NEGR1: variants seen among roughly 807,000 people sequenced by gnomAD.
NEGR1 encodes the protein IgLON family member 4.
A neutral mutation model predicts 40.9 loss-of-function variants in NEGR1; 10 were observed. The observed-to-expected ratio is 0.24, with a 90% CI of 0.15 to 0.42. The LOEUF (loss-of-function observed/expected upper bound fraction) is 0.42. Among genes scored for constraint, NEGR1 ranks in the 10% least tolerant of loss-of-function variants. The pLI is 1.00. For missense variants in NEGR1, 352 were observed against 438.9 expected (o/e 0.80, Z 1.77); for synonymous variants, 185 against 166.8 (o/e 1.11, Z -0.84).
intron 6 of NEGR1, among the ~76,000 whole-genome samples, chr1:71,429,574 C>A (rs1021678496): frequency 7.2e-5 from 11 of 152,112 alleles, no homozygotes; most frequent in African/African-American, 2.7e-4. Context: ...ACAGTGCATT[C>A]CATTTTGTTC....
At chr1:71,779,708 C>T (rs1656633099) in intron 2 of NEGR1, among the ~76,000 whole-genome samples, 1 of 151,980 alleles carries the variant, frequency 6.6e-6, no homozygotes, top group Admixed American at 6.6e-5. Context: ...GCTGGGATTA[C>T]AGGCGCCTGC....
intron 2 of NEGR1, among the ~76,000 whole-genome samples, chr1:71,788,942 T>C (rs577924541): frequency 1.3e-5 from 2 of 152,080 alleles, no homozygotes; most frequent in Non-Finnish European, 2.9e-5. Context: ...AACATTAAAA[T>C]AGATTAAAAA....
At chr1:72,147,017 G>A (rs1374337863) in intron 1 of NEGR1, among the ~76,000 whole-genome samples, 1 of 152,132 alleles carries the variant, frequency 6.6e-6, no homozygotes, top group Non-Finnish European at 1.5e-5. Flanking sequence ...AATTTTGGTT[G>A]TGTCTGACTT....
chr1:71,679,077 T>C (rs1196507252), intron 4 of NEGR1, among the ~76,000 whole-genome samples: 2 of 152,058 alleles, frequency 1.3e-5, no homozygotes, highest in Non-Finnish European at 2.9e-5. Flanking sequence ...TGGCTTGGAG[T>C]TGCAGCTTTA....
intron 3 of NEGR1, among the ~76,000 whole-genome samples, chr1:71,762,191 A>G (rs1308993452): frequency 6.6e-6 from 1 of 152,000 alleles, no homozygotes; most frequent in Non-Finnish European, 1.5e-5. Flanking sequence ...AACTCTGGCA[A>G]TAAGATAGAG....
intron 1 of NEGR1, among the ~76,000 whole-genome samples, chr1:72,110,431 AAAGT>A (rs892733832): frequency 4.6e-5 from 7 of 151,514 alleles, no homozygotes; most frequent in Admixed American, 1.3e-4. Context: ...AACTGATAGA[AAAGT>A]AAGAAAGAGT....
chr1:71,713,943 T>A (rs1478310606), intron 3 of NEGR1, among the ~76,000 whole-genome samples: 1 of 152,122 alleles, frequency 6.6e-6, no homozygotes, highest in East Asian at 1.9e-4. Flanking sequence ...TGGGGCAAAA[T>A]TTTTAACCTC....
intron 2 of NEGR1, among the ~76,000 whole-genome samples, chr1:71,810,274 T>C (rs1324017108): frequency 6.6e-6 from 1 of 152,092 alleles, no homozygotes; most frequent in Non-Finnish European, 1.5e-5. Flanking sequence ...AAAAAGTGTC[T>C]AATTATACAG....
intron 1 of NEGR1, among the ~76,000 whole-genome samples, chr1:72,159,840 C>A (rs1186294617): frequency 1.3e-5 from 2 of 152,016 alleles, no homozygotes; most frequent in Non-Finnish European, 2.9e-5. Flanking sequence ...CATTTTGTAT[C>A]TTTTAGTTAA....
intron 1 of NEGR1, chr1:72,274,521 G>T: frequency 1.5e-6 from 1 of 676,528 alleles, no homozygotes. Flanking sequence ...TGTCTGTATC[G>T]GTATCCCAAT....
At chr1:71,416,203 C>A (rs1407623696) in intron 6 of NEGR1, among the ~76,000 whole-genome samples, 1 of 152,056 alleles carries the variant, frequency 6.6e-6, no homozygotes, top group Non-Finnish European at 1.5e-5. Flanking sequence ...AAGTTGAATG[C>A]GTTTTTATGA....
At chr1:71,500,294 G>A (rs767835936) in intron 6 of NEGR1, among the ~76,000 whole-genome samples, 5 of 151,564 alleles carry the variant, frequency 3.3e-5, no homozygotes, top group Non-Finnish European at 7.4e-5. Flanking sequence ...AGCTATGTAC[G>A]GCCAAATTAA....
rs1231294866 is a variant in NEGR1, at chr1:71,470,392, G to A, written c.941-62822C>T. ...ATGTTTTATGTGAATGACATGAAACGCTATTAGGCTAGGACATTCCTAAAA... is the reference window on the plus strand; with the variant it reads ...ATGTTTTATGTGAATGACATGAAACACTATTAGGCTAGGACATTCCTAAAA... On this transcript the variant is annotated intron_variant, in intron 6 of 6. Coordinates refer to ENST00000357731, the MANE Select transcript of NEGR1 (RefSeq NM_173808.3). Among the ~76,000 whole-genome samples the A allele has an allele frequency of 6.6e-5, 10 of 152,156 alleles. No individual in the cohort carries two copies. In the South Asian group the frequency reaches 8.3e-4, roughly 13 times the overall value.
intron 4 of NEGR1, among the ~76,000 whole-genome samples, chr1:71,687,440 A>C (rs1413713879): frequency 6.6e-6 from 1 of 152,150 alleles, no homozygotes; most frequent in African/African-American, 2.4e-5. Context: ...TGTTTTTTGC[A>C]CTGCTGTTAG....
intron 6 of NEGR1, among the ~76,000 whole-genome samples, chr1:71,586,000 T>C (rs1396226508): frequency 6.6e-6 from 1 of 152,126 alleles, no homozygotes; most frequent in Non-Finnish European, 1.5e-5. Flanking sequence ...CCATTTTGCA[T>C]GTCCTCTCAT....
At chr1:71,635,865 T>C (rs974120523) in intron 4 of NEGR1, among the ~76,000 whole-genome samples, 1 of 152,036 alleles carries the variant, frequency 6.6e-6, no homozygotes, top group African/African-American at 2.4e-5. Flanking sequence ...ACTTTTAATA[T>C]ACACCTTAAG....
At chr1:72,267,445 T>C (rs1655685462) in intron 1 of NEGR1, among the ~76,000 whole-genome samples, 1 of 151,372 alleles carries the variant, frequency 6.6e-6, no homozygotes, top group East Asian at 1.9e-4. Flanking sequence ...TAAAATTATA[T>C]ACATTGTGCC....
At chr1:71,509,821 C>T (rs1647060904) in intron 6 of NEGR1, among the ~76,000 whole-genome samples, 1 of 152,180 alleles carries the variant, frequency 6.6e-6, no homozygotes, top group South Asian at 2.1e-4. Flanking sequence ...TTATAATCAA[C>T]AGAGATTCAT....
At chr1:71,908,489 A>G (rs965668084) in intron 2 of NEGR1, among the ~76,000 whole-genome samples, 8 of 152,124 alleles carry the variant, frequency 5.3e-5, no homozygotes, top group African/African-American at 1.9e-4. Context: ...GTGTTCCAGG[A>G]ACACAGCCAG....
Sources: allele counts gnomAD v4.1 joint callset (sites outside exome capture counted in the v4.1 genomes callset), GRCh38; gene constraint gnomAD v4.1.1; transcripts MANE v1.5; gene names NCBI Gene and HGNC (gene_info 2026-07-23, HGNC 2026-07-21).